Variants in PARD3 observed in about 807,000 individuals in gnomAD.
PARD3 encodes the protein par-3 family cell polarity regulator, also known as partitioning defective 3 homolog.
A neutral mutation model predicts 155.4 loss-of-function variants in PARD3; 75 were observed. That is an observed-to-expected ratio of 0.48 (90% CI 0.40 to 0.58). The LOEUF is 0.58. PARD3 is among the 20% of genes least tolerant of loss of function. The pLI, the probability that PARD3 is intolerant of heterozygous loss-of-function variation, is 0.00. For missense variants in PARD3, 1,642 were observed against 1,721.7 expected, an observed-to-expected ratio of 0.95 and a Z score of 0.82; for synonymous variants, 576 against 610.5, an observed-to-expected ratio of 0.94 and a Z score of 0.83.
At chr10:34,147,955 T>G (rs963722847) in intron 22 of PARD3, among the ~76,000 whole-genome samples, 2 of 152,092 alleles carry the variant, frequency 1.3e-5, no homozygotes, top group Non-Finnish European at 2.9e-5. Context: ...CTGCTAAAAC[T>G]CAGCATGACC....
chr10:34,698,010 G>T (rs1334247435), intron 1 of PARD3, among the ~76,000 whole-genome samples: 1 of 152,016 alleles, frequency 6.6e-6, no homozygotes, highest in Non-Finnish European at 1.5e-5. Flanking sequence ...TGTCCTGGGG[G>T]TGAATAAGAA....
chr10:34,626,266 C>T (rs1411381181), intron 2 of PARD3, among the ~76,000 whole-genome samples: 3 of 152,208 alleles, frequency 2.0e-5, no homozygotes, highest in East Asian at 1.9e-4. Context: ...CATTCTCTCA[C>T]GCGTTCATGG....
intron 1 of PARD3, among the ~76,000 whole-genome samples, chr10:34,777,073 A>T (rs1839679645): frequency 6.9e-6 from 1 of 143,976 alleles, no homozygotes; most frequent in Admixed American, 7.2e-5. Context: ...GGCTGGTCTC[A>T]AACTCCTGAC....
intron 2 of PARD3, among the ~76,000 whole-genome samples, chr10:34,680,065 T>A (rs2093782875): frequency 6.6e-6 from 1 of 152,156 alleles, no homozygotes; most frequent in South Asian, 2.1e-4. Context: ...CCTGCACTTG[T>A]ACTATCTAAA....
intron 22 of PARD3, among the ~76,000 whole-genome samples, chr10:34,254,413 A>C (rs1206849764): frequency 1.3e-5 from 2 of 151,696 alleles, no homozygotes; most frequent in Admixed American, 6.6e-5. Flanking sequence ...AAAAACAAAC[A>C]AAAAAATTAA....
At chr10:34,693,679 C>T (rs1211877152) in intron 2 of PARD3, among the ~76,000 whole-genome samples, 1 of 152,092 alleles carries the variant, frequency 6.6e-6, no homozygotes, top group African/African-American at 2.4e-5. Flanking sequence ...ATATAACAAA[C>T]CTGCACATGT....
chr10:34,147,139 AC>A (rs1449765827), intron 22 of PARD3, among the ~76,000 whole-genome samples: 2 of 152,076 alleles, frequency 1.3e-5, no homozygotes, highest in Non-Finnish European at 2.9e-5. Flanking sequence ...ACTGTTGAGT[AC>A]TTTGTAGAAA....
At chr10:34,726,638 G>A (rs756498612) in intron 1 of PARD3, among the ~76,000 whole-genome samples, 43 of 151,966 alleles carry the variant, frequency 2.8e-4, no homozygotes, top group Non-Finnish European at 6.0e-4. Flanking sequence ...ACAGGCACCT[G>A]TAGTCCCAGC....
rs1396214197 is a variant in PARD3, at chr10:34,384,154, C to T, written c.991G>A (p.Asp331Asn). ...TGTTCAAATCTTCTATTTCGAAGGT[C>T]GCCATCATTAATCCTGACAATGCAA... ...NDCIVRINDG[D>N]LRNRRFEQAQ... The change falls in exon 8 of 25, where the codon GAC becomes AAC. Residue 331 changes from aspartate to asparagine, a missense_variant. This residue lies in a region of PARD3 where 1,529 missense variants were observed against 1,587.3 expected (regional missense o/e 0.96). Transcript: ENST00000374788. 2 of 1,613,720 alleles carry T rather than the reference C, an allele frequency of 1.2e-6. No individual in the cohort carries two copies. The highest frequency in any genetic ancestry group is 1.7e-6 in the Non-Finnish European group (2 of 1,179,870).
At chr10:34,674,018 T>C (rs1173543201) in intron 2 of PARD3, among the ~76,000 whole-genome samples, 1 of 150,580 alleles carries the variant, frequency 6.6e-6, no homozygotes, top group African/African-American at 2.4e-5. Flanking sequence ...GGAGGAGAGT[T>C]CTAATTCCCA....
At chr10:34,232,348 CA>C (rs1207013849) in intron 22 of PARD3, among the ~76,000 whole-genome samples, 8 of 152,172 alleles carry the variant, frequency 5.3e-5, no homozygotes, top group Non-Finnish European at 1.0e-4. Flanking sequence ...TTGAAAAGGT[CA>C]CAGTAACATC....
At chr10:34,366,781 C>A (rs12268268) in intron 12 of PARD3, among the ~76,000 whole-genome samples, 41,209 of 151,834 alleles carry the variant, frequency 0.27, 10,975 homozygotes, top group African/African-American at 0.7. Context: ...ATTTAAGAAC[C>A]ATGATAAACC....
intron 2 of PARD3, among the ~76,000 whole-genome samples, chr10:34,587,986 C>T (rs1459300631): frequency 6.6e-6 from 1 of 152,116 alleles, no homozygotes; most frequent in African/African-American, 2.4e-5. Context: ...ACAATAGACT[C>T]GCATTTTCAT....
chr10:34,111,695 C>A, intron 24 of PARD3, 133 bp from the exon 25 acceptor site: 1 of 730,792 alleles, frequency 1.4e-6, no homozygotes, highest in Non-Finnish European at 2.2e-6. Context: ...ACATGCCAGA[C>A]ACTGCGATAG....
intron 2 of PARD3, among the ~76,000 whole-genome samples, chr10:34,532,624 G>A (rs1284680881): frequency 2.6e-5 from 4 of 152,018 alleles, no homozygotes; most frequent in Non-Finnish European, 5.9e-5. Context: ...ATATACTTTC[G>A]GCAGATTCAT....
At chr10:34,812,121 T>C (rs1403578480) in intron 1 of PARD3, among the ~76,000 whole-genome samples, 4 of 152,208 alleles carry the variant, frequency 2.6e-5, no homozygotes, top group Admixed American at 2.6e-4. Flanking sequence ...TCCAGAAAAA[T>C]TGATTTGTGT....
At chr10:34,342,303 T>C (rs1180011834) in intron 15 of PARD3, among the ~76,000 whole-genome samples, 1 of 152,164 alleles carries the variant, frequency 6.6e-6, no homozygotes, top group African/African-American at 2.4e-5. Flanking sequence ...TTACAAGCAG[T>C]GATAATTATA....
chr10:34,382,392 A>G (rs1293966451), intron 9 of PARD3, 148 bp downstream of exon 9: 6 of 733,626 alleles, frequency 8.2e-6, no homozygotes, highest in Non-Finnish European at 6.7e-6. Context: ...AACTTTAAAA[A>G]ATCTATCAGT....
At chr10:34,555,293 CT>C (rs200960072) in intron 2 of PARD3, among the ~76,000 whole-genome samples, 24 of 151,980 alleles carry the variant, frequency 1.6e-4, no homozygotes, top group South Asian at 8.3e-4. Flanking sequence ...AAATAAAGTC[CT>C]TTTTTTTAAG....
Sources: gnomAD v4.1 joint callset for allele counts (sites outside exome capture counted in the v4.1 genomes callset) on GRCh38, gnomAD v4.1.1 for gene constraint, gnomAD v4.1.1 regional missense constraint, MANE v1.5 for transcripts, NCBI Gene and HGNC (gene_info 2026-07-23, HGNC 2026-07-21) for gene names.